Variants in SLCO3A1 observed in about 807,000 individuals in gnomAD.
SLCO3A1 encodes the protein solute carrier organic anion transporter family member 3A1.
A neutral mutation model predicts 63.1 loss-of-function variants in SLCO3A1; 27 were observed. The observed-to-expected ratio is 0.43, with a 90% confidence interval of 0.32 to 0.59. The LOEUF (loss-of-function observed/expected upper bound fraction) is 0.59. SLCO3A1 is among the 20% of genes least tolerant of loss of function. SLCO3A1 has a pLI of 0.09. For missense variants in SLCO3A1, 773 were observed against 945.8 expected, an observed-to-expected ratio of 0.82 and a Z score of 2.40; for synonymous variants, 473 against 409.9, an observed-to-expected ratio of 1.15 and a Z score of -1.86.
chr15:92,163,871 C>T lies in SLCO3A1; in HGVS notation c.*736C>T, dbSNP rs895586071. On this transcript the variant is annotated 3_prime_UTR_variant, in exon 10 of 10. Transcript: ENST00000318445. ...GCCTGAGGGGGAGCCAGGTGGGGGG[C>T]CAGCACCTCCCAGTGGCGGGCATCC... The T allele has an allele frequency of 1.3e-5, 13 of 985,628 alleles. No homozygotes were observed. The highest frequency in any genetic ancestry group is 1.6e-5 in the Non-Finnish European group (13 of 830,182). 61.1% of individuals were successfully genotyped at this position (985,628 alleles called of 1,614,324 possible).
intron 1 of SLCO3A1, among the ~76,000 whole-genome samples, chr15:91,906,084 T>C (rs1898298693): frequency 6.6e-6 from 1 of 152,200 alleles, no homozygotes; most frequent in Admixed American, 6.5e-5. Context: ...TCCTCATCTG[T>C]AGAATGGGAT....
At chr15:92,136,608 TGA>T (rs1396987375) in intron 7 of SLCO3A1, among the ~76,000 whole-genome samples, 11 of 152,218 alleles carry the variant, frequency 7.2e-5, no homozygotes, top group Non-Finnish European at 1.6e-4. Context: ...CAGTTTTCAG[TGA>T]TGTGCTATTC....
intron 8 of SLCO3A1, among the ~76,000 whole-genome samples, chr15:92,147,906 G>A (rs2151589870): frequency 6.6e-6 from 1 of 152,342 alleles, no homozygotes; most frequent in Non-Finnish European, 1.5e-5. Flanking sequence ...ATCTGAATCA[G>A]GGGAAGGTAC....
Position 92,163,646 on chromosome 15 carries a change from G to T in SLCO3A1, c.*511G>T. 7.1e-6 allele frequency: 7 copies of T among 985,132 alleles called. 1 individual carries two copies. Among genetic ancestry groups the T allele is most frequent in the Non-Finnish European group, 6.0e-6 (5 of 829,900 alleles). The allele number at this position is 985,132 out of a possible 1,614,324, so 61.0% of individuals were successfully genotyped here. A position where few individuals can be genotyped will look rare whatever the true frequency, so the allele number is the denominator to read the frequency against. ...ACCCTCTTCCTCCAGGTGGGGGTGG[G>T]GGCGGGCGCACAAGTCGGAGGGGTG... On this transcript the variant is annotated 3_prime_UTR_variant, in exon 10 of 10. Coordinates refer to ENST00000318445, the MANE Select transcript of SLCO3A1 (RefSeq NM_013272.4).
intron 9 of SLCO3A1, among the ~76,000 whole-genome samples, chr15:92,156,647 G>C (rs1163578062): frequency 3.3e-5 from 5 of 152,230 alleles, no homozygotes; most frequent in Non-Finnish European, 7.3e-5. Context: ...TCTTGGCATT[G>C]CTGAAGCAGA....
Position 92,163,557 on chromosome 15 carries a change from A to AT in SLCO3A1, c.*422_*423insT. On this transcript the variant is annotated 3_prime_UTR_variant, in exon 10 of 10. Transcript: ENST00000318445. ...GAAGTTTCCTAAAATAAAAAAAATT[A>AT]AAAAAAAAAAACCCACAAGTTGAAA... is the stretch of plus-strand genomic sequence containing the variant. The AT allele has an allele frequency of 2.2e-6, 1 of 456,116 alleles. No homozygotes were observed. The highest frequency in any genetic ancestry group is 2.4e-5 in the African/African-American group (1 of 40,938). The allele number at this position is 456,116 out of a possible 1,614,324, so 28.3% of individuals were successfully genotyped here. A position where few individuals can be genotyped will look rare whatever the true frequency, so the allele number is the denominator to read the frequency against.
Position 91,854,007 on chromosome 15 carries a change from G to T in SLCO3A1, c.99G>T (p.Val33=). The T allele has an allele frequency of 6.5e-7, 1 of 1,545,218 alleles. No homozygotes were observed. The change falls in exon 1 of 10, where the codon GTG becomes GTT. Residue 33 remains valine, a synonymous_variant. Coordinates refer to ENST00000318445, the MANE Select transcript of SLCO3A1 (RefSeq NM_013272.4). This position sits in a 1 kb window ranked among gnomAD's most constrained non-coding sequence, Gnocchi z 6.4. ...AQRNKKKKKK[V]SCFSNIKIFL... is the part of the protein sequence containing the mutation. ...GGAACAAGAAAAAGAAAAAGAAGGTGTCCTGCTTTTCCAACATCAAGATCT... is the reference window on the plus strand; with the variant it reads ...GGAACAAGAAAAAGAAAAAGAAGGTTTCCTGCTTTTCCAACATCAAGATCT...
At chr15:92,154,283 G>A (rs1327704632) in intron 9 of SLCO3A1, among the ~76,000 whole-genome samples, 2 of 152,210 alleles carry the variant, frequency 1.3e-5, no homozygotes, top group Non-Finnish European at 2.9e-5. Flanking sequence ...AGAAAGTCTT[G>A]GGTAATGTGG....
intron 6 of SLCO3A1, 32 bp from the exon 7 acceptor site, chr15:92,128,319 C>G (rs915671400): frequency 6.2e-7 from 1 of 1,613,536 alleles, no homozygotes; most frequent in Admixed American, 1.7e-5. Context: ...TGACCTGTTT[C>G]TAATGGCTTC....
chr15:91,915,863 T>C, intron 1 of SLCO3A1, 130 bp from the exon 2 acceptor site: 1 of 730,886 alleles, frequency 1.4e-6, no homozygotes, highest in Non-Finnish European at 2.4e-6. Context: ...GCTGCCTTTT[T>C]GCACCTGGCA....
intron 2 of SLCO3A1, among the ~76,000 whole-genome samples, chr15:91,926,798 G>A (rs1300125959): frequency 2.6e-5 from 4 of 151,990 alleles, no homozygotes; most frequent in Admixed American, 6.6e-5. Flanking sequence ...TGCGGGAGTC[G>A]GGGCCATAAC....
At chr15:92,086,571 C>T (rs1337186210) in intron 2 of SLCO3A1, among the ~76,000 whole-genome samples, 9 of 152,124 alleles carry the variant, frequency 5.9e-5, no homozygotes, top group Non-Finnish European at 1.2e-4. Context: ...CACATTTTCA[C>T]ATTCTTGGTG....
chr15:91,930,364 T>C (rs1422445075), intron 2 of SLCO3A1, among the ~76,000 whole-genome samples: 2 of 152,222 alleles, frequency 1.3e-5, no homozygotes, highest in Admixed American at 1.3e-4. Context: ...CAAAGCAGGC[T>C]GTGAACTTTA....
intron 2 of SLCO3A1, among the ~76,000 whole-genome samples, chr15:92,041,149 T>C (rs2151487637): frequency 6.6e-6 from 1 of 152,304 alleles, no homozygotes; most frequent in Non-Finnish European, 1.5e-5. Flanking sequence ...CCCCCTTCCC[T>C]TGTAACAACC....
At chr15:91,935,722 C>T (rs1220777860) in intron 2 of SLCO3A1, among the ~76,000 whole-genome samples, 2 of 152,172 alleles carry the variant, frequency 1.3e-5, no homozygotes, top group Non-Finnish European at 2.9e-5. Flanking sequence ...GTTTCACCTG[C>T]GTTGCAGAGA....
Position 91,991,851 on chromosome 15 carries a change from G to T in SLCO3A1, c.646+75393G>T, listed in dbSNP as rs1517621. Among the ~76,000 whole-genome samples, 4 of 152,238 alleles carry T rather than the reference G, an allele frequency of 2.6e-5. No homozygotes were observed. The East Asian group carries it at 7.7e-4, about 29-fold the overall frequency. On this transcript the variant is annotated intron_variant, in intron 2 of 9. Coordinates refer to ENST00000318445, the MANE Select transcript of SLCO3A1 (RefSeq NM_013272.4). Reference sequence around the variant, plus strand: ...ATTACATGCACATATAATGAAGTGGGATTTTATTCATTATGCTTGTGTAGA... The same window carrying T: ...ATTACATGCACATATAATGAAGTGGTATTTTATTCATTATGCTTGTGTAGA...
chr15:92,107,848 C>T (rs751734690), intron 4 of SLCO3A1, among the ~76,000 whole-genome samples: 16 of 152,230 alleles, frequency 1.1e-4, no homozygotes, highest in African/African-American at 2.9e-4. Flanking sequence ...AAATCCAGCT[C>T]AGTCGCTTCT....
At chr15:92,104,161 G>T in intron 3 of SLCO3A1, 118 bp from the exon 4 acceptor site, 6 of 1,203,128 alleles carry the variant, frequency 5.0e-6, no homozygotes, top group South Asian at 1.4e-5. Context: ...CAGTGTTCCC[G>T]ACCGCAAGTC....
At chr15:91,970,740 G>C (rs1043251842) in intron 2 of SLCO3A1, among the ~76,000 whole-genome samples, 3 of 152,154 alleles carry the variant, frequency 2.0e-5, no homozygotes, top group African/African-American at 7.2e-5. Flanking sequence ...GCTTTGGTTA[G>C]ACAGTGCCCA....
Sources: allele counts gnomAD v4.1 joint callset (sites outside exome capture counted in the v4.1 genomes callset), GRCh38; gene constraint gnomAD v4.1.1; non-coding constraint Gnocchi (gnomAD v3.1); transcripts MANE v1.5; gene names NCBI Gene and HGNC (gene_info 2026-07-23, HGNC 2026-07-21).